The following IGF1R variants were observed in gnomAD, a reference collection of about 807,000 sequenced individuals.
The protein encoded by IGF1R is insulin-like growth factor 1 receptor.
IGF1R carries 44 observed loss-of-function variants against 144.6 expected under a neutral mutation model. That is an observed-to-expected ratio of 0.30 (90% CI 0.24 to 0.39). The LOEUF is 0.39. IGF1R is among the 10% of genes least tolerant of loss of function. The pLI is 1.00. For missense variants in IGF1R, 1,355 were observed against 1,833.7 expected, an observed-to-expected ratio of 0.74 and a Z score of 4.77; for synonymous variants, 795 against 722.8, an observed-to-expected ratio of 1.10 and a Z score of -1.60.
chr15:98,956,251 G>GC (rs2016978034), intron 20 of IGF1R, among the ~76,000 whole-genome samples: 3 of 152,222 alleles, frequency 2.0e-5, no homozygotes, highest in African/African-American at 7.2e-5. Context: ...TGCTGTCGGA[G>GC]CCCAGCCGAT....
intron 2 of IGF1R, among the ~76,000 whole-genome samples, chr15:98,835,652 A>T (rs1217402442): frequency 6.6e-6 from 1 of 152,212 alleles, no homozygotes; most frequent in Non-Finnish European, 1.5e-5. Context: ...ACATTGATTT[A>T]GTCTGGAAAG....
intron 2 of IGF1R, among the ~76,000 whole-genome samples, chr15:98,878,663 C>CAAAAAAAAAAA (rs138285597): frequency 2.2e-4 from 13 of 57,902 alleles, no homozygotes; most frequent in African/African-American, 8.3e-4. Context: ...GTGAAAGACT[C>CAAAAAAAAAAA]AAAAAAAAAA....
intron 2 of IGF1R, among the ~76,000 whole-genome samples, chr15:98,830,182 T>C (rs963072940): frequency 6.6e-6 from 1 of 152,202 alleles, no homozygotes; most frequent in Non-Finnish European, 1.5e-5. Context: ...TGGACTGTCT[T>C]CTAGATTTCT....
At chr15:98,944,286 G>A (rs543523276) in intron 19 of IGF1R, among the ~76,000 whole-genome samples, 1 of 152,250 alleles carries the variant, frequency 6.6e-6, no homozygotes, top group East Asian at 1.9e-4. Context: ...AAATTCTGAC[G>A]AGCAGTTACT....
chr15:98,796,267 G>A (rs755701293), intron 2 of IGF1R, among the ~76,000 whole-genome samples: 12 of 152,052 alleles, frequency 7.9e-5, no homozygotes, highest in Non-Finnish European at 1.3e-4. Flanking sequence ...CAGTAAAGGC[G>A]CCTGGGGGTG....
intron 3 of IGF1R, 98 bp from the exon 4 acceptor site, chr15:98,896,659 C>T (rs2082912051): frequency 8.0e-7 from 1 of 1,247,186 alleles, no homozygotes; most frequent in African/African-American, 1.5e-5. Flanking sequence ...CTAATGCATG[C>T]TGTAATAACA....
chr15:98,825,638 C>T (rs1177320170), intron 2 of IGF1R, among the ~76,000 whole-genome samples: 1 of 152,198 alleles, frequency 6.6e-6, no homozygotes, highest in Non-Finnish European at 1.5e-5. Context: ...CTCTCCCCCA[C>T]CCATCTGTGG....
chr15:98,827,008 A>G (rs1313148356), intron 2 of IGF1R, among the ~76,000 whole-genome samples: 1 of 152,226 alleles, frequency 6.6e-6, no homozygotes, highest in Admixed American at 6.5e-5. Flanking sequence ...AGAAGCAAGC[A>G]CAAGGAGATA....
At chr15:98,926,309 G>T (rs1171947664) in intron 13 of IGF1R, among the ~76,000 whole-genome samples, 1 of 152,164 alleles carries the variant, frequency 6.6e-6, no homozygotes, top group African/African-American at 2.4e-5. Flanking sequence ...CAGGGGCTGA[G>T]GGTGAGGGAG....
At chr15:98,650,233 GAC>G (rs983491125) in intron 1 of IGF1R, among the ~76,000 whole-genome samples, 37 of 152,278 alleles carry the variant, frequency 2.4e-4, no homozygotes, top group African/African-American at 7.7e-4. Context: ...GAAGCCCCAG[GAC>G]ACGTCTCCAA....
At chr15:98,686,984 T>A (rs1318326322) in intron 1 of IGF1R, among the ~76,000 whole-genome samples, 1 of 152,186 alleles carries the variant, frequency 6.6e-6, no homozygotes, top group African/African-American at 2.4e-5. Context: ...TAAATTTTTA[T>A]GGGTATGAAT....
At position 98,661,956 on chromosome 15, in the gene IGF1R, C is replaced by CTTTTTTTTT. The variant is rs869208651; in HGVS notation, c.94+12299_94+12307dup. ...GAATTGCTGCCAGTTGAATAGGGCC[C>CTTTTTTTTT]TTTTTTTTTTTTTTTTTTTTTTTTT... On this transcript the variant is annotated intron_variant, in intron 1 of 20. Transcript: ENST00000650285. Among the ~76,000 whole-genome samples, 25 of 105,718 alleles carry CTTTTTTTTT rather than the reference C, an allele frequency of 2.4e-4. 2 individuals are homozygous for CTTTTTTTTT. Among genetic ancestry groups the CTTTTTTTTT allele is most frequent in the African/African-American group, 5.4e-4 (12 of 22,340 alleles). The allele number at this position is 105,718 out of a possible 152,430, so 69.4% of individuals were successfully genotyped here.
chr15:98,681,203 GTGTCT>G, intron 1 of IGF1R, among the ~76,000 whole-genome samples: 1 of 152,172 alleles, frequency 6.6e-6, no homozygotes, highest in East Asian at 1.9e-4. Flanking sequence ...TTAGGATTCT[GTGTCT>G]TTACAAGTCT....
At chr15:98,791,024 C>G (rs949615573) in intron 2 of IGF1R, among the ~76,000 whole-genome samples, 1 of 152,222 alleles carries the variant, frequency 6.6e-6, no homozygotes, top group Non-Finnish European at 1.5e-5. Context: ...CCTAAGCCTT[C>G]ATTAGATTGA....
chr15:98,913,150 A>G lies in IGF1R; in HGVS notation c.1696A>G (p.Ile566Val). 1 of 1,614,194 alleles carries G rather than the reference A, an allele frequency of 6.2e-7. No individual in the cohort carries two copies. The highest frequency in any genetic ancestry group is 8.5e-7 in the Non-Finnish European group (1 of 1,180,018). ...GCCCAACAAGGACGTGGAGCCCGGC[A>G]TCTTACTACATGGGCTGAAGCCCTG... Reference protein sequence around the residue: ...LPPNKDVEPGILLHGLKPWTQ... With the variant: ...LPPNKDVEPGVLLHGLKPWTQ... Residue 566 changes from isoleucine (I) to valine (V), a missense_variant, in exon 8 of 21, where the codon ATC becomes GTC. By Grantham distance (29) the Ile-to-Val change is conservative (BLOSUM62 3). Coordinates refer to ENST00000650285, the MANE Select transcript of IGF1R (RefSeq NM_000875.5).
intron 2 of IGF1R, among the ~76,000 whole-genome samples, chr15:98,790,886 A>T (rs1360509460): frequency 6.6e-6 from 1 of 152,208 alleles, no homozygotes; most frequent in African/African-American, 2.4e-5. Flanking sequence ...TTACCTTATA[A>T]TGCCTAAAAC....
At chr15:98,851,821 T>A (rs924689290) in intron 2 of IGF1R, among the ~76,000 whole-genome samples, 12 of 152,214 alleles carry the variant, frequency 7.9e-5, no homozygotes, top group African/African-American at 2.7e-4. Context: ...TCTTGTCAAG[T>A]GAGCCTAATA....
Position 98,831,992 on chromosome 15 carries a change from G to T in IGF1R, c.641-59333G>T, listed in dbSNP as rs192104818. ...TTGCGAGAGACAAAGGATGAGGAAGGGGGGTCAGGGACCTTGAGGCTGCTT... is the reference window on the plus strand; with the variant it reads ...TTGCGAGAGACAAAGGATGAGGAAGTGGGGTCAGGGACCTTGAGGCTGCTT... On this transcript the variant is annotated intron_variant, in intron 2 of 20. Coordinates refer to ENST00000650285, the MANE Select transcript of IGF1R (RefSeq NM_000875.5). 1.1e-3 allele frequency among the ~76,000 whole-genome samples: 165 copies of T among 152,200 alleles called. 3 individuals are homozygous for T. Among genetic ancestry groups the T allele is most frequent in the South Asian group, 1.9e-3 (9 of 4,820 alleles).
At chr15:98,732,537 G>C (rs983410532) in intron 2 of IGF1R, among the ~76,000 whole-genome samples, 7 of 152,122 alleles carry the variant, frequency 4.6e-5, no homozygotes, top group Non-Finnish European at 8.8e-5. Context: ...CGTGGGTGGA[G>C]GCAGATGCCA....
Sources: gnomAD v4.1 joint callset for allele counts (sites outside exome capture counted in the v4.1 genomes callset) on GRCh38, gnomAD v4.1.1 for gene constraint, MANE v1.5 for transcripts, NCBI Gene and HGNC (gene_info 2026-07-23, HGNC 2026-07-21) for gene names.